The following CATSPERB variants were observed in gnomAD, a reference collection of about 807,000 sequenced individuals.
The protein encoded by CATSPERB is cation channel sperm-associated auxiliary subunit beta.
A neutral mutation model predicts 128.3 loss-of-function variants in CATSPERB; 93 were observed. The ratio of observed to expected loss-of-function variants is 0.72; its 90% CI spans 0.61 to 0.86. CATSPERB has a LOEUF of 0.86. Ranked by LOEUF, CATSPERB falls within the 40% of genes least tolerant of loss-of-function variation. The pLI, the probability that CATSPERB is intolerant of heterozygous loss-of-function variation, is 0.00. For synonymous variants in CATSPERB, 381 were observed against 448.8 expected (o/e 0.85, Z 1.91); for missense variants, 1,153 against 1,329.5 (o/e 0.87, Z 2.06).
intron 11 of CATSPERB, among the ~76,000 whole-genome samples, chr14:91,676,395 G>T (rs1328066195): frequency 6.6e-6 from 1 of 152,118 alleles, no homozygotes; most frequent in African/African-American, 2.4e-5. Context: ...ACTCCAGCTG[G>T]TCACATATTA....
At chr14:91,675,901 T>C (rs953247115) in intron 11 of CATSPERB, among the ~76,000 whole-genome samples, 30 of 152,340 alleles carry the variant, frequency 2.0e-4, no homozygotes, top group African/African-American at 6.7e-4. Context: ...TGAATTCTTC[T>C]GTGGGTTATC....
At position 91,669,924 on chromosome 14, in the gene CATSPERB, G is replaced by A. The variant is rs755879716; in HGVS notation, c.1177C>T (p.Pro393Ser). Reference sequence around the variant, plus strand: ...ATTGGAAATTTTGATTGTGAATTTGGTTCATTATTTCTCAGGGTGCTCACA... The same window carrying A: ...ATTGGAAATTTTGATTGTGAATTTGATTCATTATTTCTCAGGGTGCTCACA... ...ASVSTLRNNEPNSQSKFPIFR... is the reference protein window; with the variant it reads ...ASVSTLRNNESNSQSKFPIFR... Residue 393 changes from proline to serine, a missense_variant, in exon 14 of 27, where the codon CCA (proline) becomes TCA (serine). By Grantham distance (74) the Pro-to-Ser change is moderately conservative. Coordinates refer to ENST00000256343, the MANE Select transcript of CATSPERB (RefSeq NM_024764.4). 6.8e-6 allele frequency: 11 copies of A among 1,613,272 alleles called. No individual in the cohort carries two copies. The Admixed American group carries it at 8.4e-5, about 12-fold the overall frequency.
intron 17 of CATSPERB, among the ~76,000 whole-genome samples, chr14:91,631,344 C>T (rs1479869296): frequency 6.6e-6 from 1 of 152,158 alleles, no homozygotes; most frequent in Admixed American, 6.5e-5. Context: ...AAAACATGGA[C>T]ATTAAGTTAT....
chr14:91,690,727 TAGAC>T (rs1034906010), intron 10 of CATSPERB, among the ~76,000 whole-genome samples: 2 of 152,256 alleles, frequency 1.3e-5, no homozygotes, highest in African/African-American at 4.8e-5. Context: ...TCCTTTCTCA[TAGAC>T]AGTGTGAATG....
intron 26 of CATSPERB, among the ~76,000 whole-genome samples, chr14:91,583,253 C>T (rs1223074992): frequency 6.6e-6 from 1 of 152,158 alleles, no homozygotes; most frequent in African/African-American, 2.4e-5. Flanking sequence ...CCCATCTCTA[C>T]CTAAAATACA....
At chr14:91,722,721 C>A (rs917617217) in intron 4 of CATSPERB, among the ~76,000 whole-genome samples, 1 of 151,998 alleles carries the variant, frequency 6.6e-6, no homozygotes, top group Non-Finnish European at 1.5e-5. Context: ...AAGGAAAAAA[C>A]CCCAGAGAAT....
intron 16 of CATSPERB, 128 bp from the exon 17 acceptor site, chr14:91,636,707 T>A (rs1894382256): frequency 5.1e-6 from 4 of 788,860 alleles, no homozygotes; most frequent in Admixed American, 6.0e-5. Flanking sequence ...ATTGGAGAAA[T>A]AAGTCAACGT....
chr14:91,644,698 C>A (rs1360555561), intron 15 of CATSPERB, among the ~76,000 whole-genome samples: 1 of 37,788 alleles, frequency 2.6e-5, no homozygotes, highest in African/African-American at 1.2e-4. Context: ...CTTAGGGTTG[C>A]TCTTCTCGAG....
chr14:91,618,479 A>G (rs1893985489), intron 19 of CATSPERB, among the ~76,000 whole-genome samples: 1 of 152,218 alleles, frequency 6.6e-6, no homozygotes, highest in South Asian at 2.1e-4. Context: ...ATTTTCTCAG[A>G]GAAATGTTTC....
Position 91,672,884 on chromosome 14 carries a change from A to G in CATSPERB, c.1111T>C (p.Tyr371His), listed in dbSNP as rs747674148. 64 of 1,570,758 alleles carry G rather than the reference A, an allele frequency of 4.1e-5. No homozygotes were observed. Among genetic ancestry groups the G allele is most frequent in the Non-Finnish European group, 5.3e-5 (62 of 1,169,224 alleles). The change falls in exon 13 of 27, where the codon TAC (tyrosine) becomes CAC (histidine). Residue 371 changes from tyrosine to histidine, a missense_variant. Physicochemically the swap from Tyr to His is moderately conservative, Grantham distance 83. Transcript: ENST00000256343. ...LVDQERGTGV[Y>H]LFYNKVRKTA... Reference sequence around the variant, plus strand: ...AGGCCTACCTTGTTATAGAAGAGGTAAACTCCAGTACCACGCTCTTGGTCA... The same window carrying G: ...AGGCCTACCTTGTTATAGAAGAGGTGAACTCCAGTACCACGCTCTTGGTCA...
At chr14:91,627,282 A>C (rs28670691) in intron 17 of CATSPERB, among the ~76,000 whole-genome samples, 12,076 of 152,218 alleles carry the variant, frequency 0.079, 962 homozygotes, top group East Asian at 0.41. Flanking sequence ...ACTAGGAGAA[A>C]ATATTTTCAA....
intron 22 of CATSPERB, among the ~76,000 whole-genome samples, chr14:91,594,484 A>G (rs61991986): frequency 0.19 from 20,383 of 109,604 alleles, 1,461 homozygotes; most frequent in Non-Finnish European, 0.24. Flanking sequence ...TAATAATAAT[A>G]AAAGAAAAAA....
chr14:91,666,212 G>A (rs958576986), intron 14 of CATSPERB, among the ~76,000 whole-genome samples: 17 of 152,178 alleles, frequency 1.1e-4, no homozygotes, highest in Admixed American at 9.2e-4. Context: ...AGAGGAACCA[G>A]GGCCCTCAGC....
Position 91,704,639 on chromosome 14 carries a change from G to A in CATSPERB, c.529C>T (p.Pro177Ser). Residue 177 changes from proline (P) to serine (S), a missense_variant, in exon 7 of 27, where the codon CCA becomes TCA. Pro to Ser is a moderately conservative substitution (Grantham distance 74). Coordinates refer to ENST00000256343, the MANE Select transcript of CATSPERB (RefSeq NM_024764.4). ...GTCACTTTGAGATCTACCACATGTG[G>A]ATATAATTTACTGATTTCACTTTCT... The part of the protein sequence containing the change: ...IPESEISKLY[P>S]HVVDLKVTKC... 6.2e-7 allele frequency: 1 copy of A among 1,613,846 alleles called. No homozygotes were observed. The highest frequency in any genetic ancestry group is 8.5e-7 in the Non-Finnish European group (1 of 1,179,802).
At chr14:91,588,916 G>A (rs548479064) in intron 24 of CATSPERB, among the ~76,000 whole-genome samples, 138 of 152,216 alleles carry the variant, frequency 9.1e-4, no homozygotes, top group Admixed American at 2.0e-3. Flanking sequence ...CCAAGTGCCT[G>A]GATATTTAGT....
intron 16 of CATSPERB, 133 bp downstream of exon 16, chr14:91,638,963 G>A: frequency 4.1e-6 from 3 of 740,574 alleles, no homozygotes; most frequent in Non-Finnish European, 6.4e-6. Context: ...TCTTCCTTTA[G>A]TTAAATAGAG....
intron 15 of CATSPERB, among the ~76,000 whole-genome samples, chr14:91,654,563 C>T (rs1275371756): frequency 1.3e-5 from 2 of 152,172 alleles, no homozygotes; most frequent in African/African-American, 4.8e-5. Flanking sequence ...CTTTGTCTTG[C>T]AGCTTGGGTG....
intron 15 of CATSPERB, among the ~76,000 whole-genome samples, chr14:91,649,501 CTTTT>C (rs11433742): frequency 2.1e-5 from 3 of 145,466 alleles, no homozygotes; most frequent in Non-Finnish European, 1.5e-5. Context: ...ATTGTACACA[CTTTT>C]TTTTTTTTTT....
chr14:91,671,341 A>AC (rs1250582026), intron 13 of CATSPERB, among the ~76,000 whole-genome samples: 2 of 152,142 alleles, frequency 1.3e-5, no homozygotes, highest in African/African-American at 4.8e-5. Flanking sequence ...TGGGACGCCA[A>AC]CGTGGGTGGA....
Sources: gnomAD v4.1 joint callset for allele counts (sites outside exome capture counted in the v4.1 genomes callset) on GRCh38, gnomAD v4.1.1 for gene constraint, MANE v1.5 for transcripts, NCBI Gene and HGNC (gene_info 2026-07-23, HGNC 2026-07-21) for gene names.